Variants in SLC24A2 observed in about 807,000 individuals in gnomAD.
SLC24A2 encodes the protein sodium/potassium/calcium exchanger 2.
Under a neutral mutation model 62.0 loss-of-function variants are expected in SLC24A2, and 36 were observed. That is an observed-to-expected ratio of 0.58 (90% confidence interval 0.44 to 0.77). SLC24A2 has a LOEUF of 0.77. Among genes scored for constraint, SLC24A2 ranks in the 30% least tolerant of loss-of-function variants. The pLI is 0.00. For synonymous variants in SLC24A2, 358 were observed against 294.0 expected, an observed-to-expected ratio of 1.22 and a Z score of -2.23; for missense variants, 846 against 817.9, an observed-to-expected ratio of 1.03 and a Z score of -0.42.
At chr9:20,163,289 G>C in the SLC24A2 span, among the ~76,000 whole-genome samples, 1 of 152,040 alleles carries the variant, frequency 6.6e-6, no homozygotes, top group East Asian at 1.9e-4. Context: ...AAAGTCTCAG[G>C]ATACAAAATC....
chr9:20,002,898 G>A, the SLC24A2 span, among the ~76,000 whole-genome samples: 1 of 152,284 alleles, frequency 6.6e-6, no homozygotes, highest in South Asian at 2.1e-4. Flanking sequence ...CCTACCTGTA[G>A]GGCTGACTCT....
At chr9:20,103,087 A>G in the SLC24A2 span, among the ~76,000 whole-genome samples, 8 of 152,310 alleles carry the variant, frequency 5.3e-5, no homozygotes, top group African/African-American at 1.9e-4. Context: ...ACGGAGTCTC[A>G]CTGACTGCTA....
intron 7 of SLC24A2, among the ~76,000 whole-genome samples, chr9:19,553,485 C>G (rs1001115097): frequency 6.6e-6 from 1 of 152,144 alleles, no homozygotes; most frequent in South Asian, 2.1e-4. Flanking sequence ...TCTGTAGAAG[C>G]CTTAGAATTG....
the SLC24A2 span, among the ~76,000 whole-genome samples, chr9:20,165,945 A>T: frequency 6.6e-6 from 1 of 151,944 alleles, no homozygotes; most frequent in Admixed American, 6.6e-5. Flanking sequence ...GGCAAGGGGG[A>T]TGGAAACATG....
rs377526540 is a variant in SLC24A2, at chr9:19,516,318, G to T, written c.1821C>A (p.Ile607=). Residue 607 remains isoleucine, a synonymous_variant, in exon 11 of 11, where the codon ATC becomes ATA. Transcript: ENST00000341998. ...AVSSNGLFCA[I]VLLFIMLLFV... is the part of the protein sequence containing the mutation. Reference sequence around the variant, plus strand: ...AGAGCAGCATGATGAAGAGAAGGACGATGGCACAGAAAAGGCCATTGCTGC... The same window carrying T: ...AGAGCAGCATGATGAAGAGAAGGACTATGGCACAGAAAAGGCCATTGCTGC... 1.1e-5 allele frequency: 18 copies of T among 1,614,042 alleles called. No homozygotes were observed. The highest frequency in any genetic ancestry group is 8.5e-7 in the Non-Finnish European group (1 of 1,180,040).
intron 2 of SLC24A2, among the ~76,000 whole-genome samples, chr9:19,730,879 G>GT (rs67718224): frequency 0.032 from 4,763 of 148,996 alleles, 251 homozygotes; most frequent in African/African-American, 0.11. Flanking sequence ...TAACTCTTAG[G>GT]TTTTTTTTTT....
chr9:19,892,910 A>C, the SLC24A2 span, among the ~76,000 whole-genome samples: 1 of 152,130 alleles, frequency 6.6e-6, no homozygotes, highest in Admixed American at 6.5e-5. Context: ...CATTTGTCTA[A>C]CAGGCTGCCC....
chr9:19,547,781 C>T (rs1834655662), intron 8 of SLC24A2, among the ~76,000 whole-genome samples: 1 of 151,510 alleles, frequency 6.6e-6, no homozygotes, highest in African/African-American at 2.5e-5. Flanking sequence ...CCCTGATTTT[C>T]CTCCCTAGGG....
chr9:19,815,165 A>G, the SLC24A2 span, among the ~76,000 whole-genome samples: 7 of 152,204 alleles, frequency 4.6e-5, no homozygotes, highest in Admixed American at 1.3e-4. Context: ...TTAAATTCTG[A>G]GAGTAAGAGC....
At chr9:20,110,920 C>G in the SLC24A2 span, among the ~76,000 whole-genome samples, 1 of 152,088 alleles carries the variant, frequency 6.6e-6, no homozygotes, top group East Asian at 1.9e-4. Context: ...CAATCAATGG[C>G]ATGTCATAGG....
At chr9:20,225,139 G>A in the SLC24A2 span, among the ~76,000 whole-genome samples, 3 of 152,042 alleles carry the variant, frequency 2.0e-5, no homozygotes, top group Non-Finnish European at 1.5e-5. Context: ...TTTGCTGCTA[G>A]GGAACCTGAC....
chr9:20,002,778 T>A, the SLC24A2 span, among the ~76,000 whole-genome samples: 1 of 152,194 alleles, frequency 6.6e-6, no homozygotes, highest in African/African-American at 2.4e-5. Context: ...TTTTCCTCCC[T>A]CCTTGCCCAC....
the SLC24A2 span, among the ~76,000 whole-genome samples, chr9:19,804,952 G>A: frequency 6.6e-6 from 1 of 152,078 alleles, no homozygotes; most frequent in Non-Finnish European, 1.5e-5. Flanking sequence ...TCAGATGGTA[G>A]GAGATTTGAT....
the SLC24A2 span, chr9:19,926,386 A>G: frequency 6.6e-6 from 1 of 152,162 alleles, no homozygotes; most frequent in South Asian, 2.1e-4. Flanking sequence ...CTGGGATCAC[A>G]CAGAGTTCTT....
At chr9:20,101,872 C>A in the SLC24A2 span, among the ~76,000 whole-genome samples, 1 of 152,176 alleles carries the variant, frequency 6.6e-6, no homozygotes, top group Non-Finnish European at 1.5e-5. Flanking sequence ...CCATTGAAAG[C>A]CTGCCTAAAG....
chr9:19,900,587 G>A, the SLC24A2 span, among the ~76,000 whole-genome samples: 1 of 152,064 alleles, frequency 6.6e-6, no homozygotes, highest in Non-Finnish European at 1.5e-5. Context: ...GTGAAATAAG[G>A]CATACTAGTA....
chr9:19,738,518 A>G (rs1821576326), intron 2 of SLC24A2, among the ~76,000 whole-genome samples: 1 of 152,212 alleles, frequency 6.6e-6, no homozygotes, highest in Non-Finnish European at 1.5e-5. Context: ...AAAAAGAAAA[A>G]GAAATGAAAG....
At chr9:19,907,014 A>T in the SLC24A2 span, among the ~76,000 whole-genome samples, 3 of 152,174 alleles carry the variant, frequency 2.0e-5, no homozygotes, top group Non-Finnish European at 4.4e-5. Flanking sequence ...CCTGGCAGAG[A>T]CACAACCAAA....
the SLC24A2 span, among the ~76,000 whole-genome samples, chr9:20,111,878 T>C: frequency 2.3e-4 from 35 of 152,322 alleles, 1 homozygote; most frequent in Admixed American, 2.0e-3. Context: ...AAAATGTTCT[T>C]GTTTGGAAAA....
Sources: allele counts gnomAD v4.1 joint callset (sites outside exome capture counted in the v4.1 genomes callset), GRCh38; gene constraint gnomAD v4.1.1; transcripts MANE v1.5; gene names NCBI Gene and HGNC (gene_info 2026-07-23, HGNC 2026-07-21).